Variants in AFF1 observed in about 807,000 individuals in gnomAD.
AFF1 encodes ALF transcription elongation factor 1.
AFF1 carries 48 observed loss-of-function variants against 121.7 expected under a neutral mutation model. The observed-to-expected ratio is 0.39, with a 90% CI of 0.31 to 0.50. The LOEUF is 0.50. Among genes scored for constraint, AFF1 ranks in the 20% least tolerant of loss-of-function variants. The pLI is 0.76. For synonymous variants in AFF1, 613 were observed against 563.0 expected, an observed-to-expected ratio of 1.09 and a Z score of -1.26; for missense variants, 1,523 against 1,511.7, an observed-to-expected ratio of 1.01 and a Z score of -0.12.
intron 1 of AFF1, among the ~76,000 whole-genome samples, chr4:86,940,195 C>G (rs192070080): frequency 4.6e-5 from 7 of 152,284 alleles, no homozygotes; most frequent in Non-Finnish European, 1.0e-4. Flanking sequence ...AGGTTTTACC[C>G]TACTCTCAAG....
chr4:87,024,294 C>G (rs761785988), intron 2 of AFF1, among the ~76,000 whole-genome samples: 1 of 152,170 alleles, frequency 6.6e-6, no homozygotes, highest in Non-Finnish European at 1.5e-5. Flanking sequence ...GGTGGGGTGT[C>G]TGTTTATCTC....
chr4:87,081,275 C>T (rs1723150244), intron 4 of AFF1, among the ~76,000 whole-genome samples: 1 of 150,480 alleles, frequency 6.6e-6, no homozygotes, highest in South Asian at 2.1e-4. Context: ...GACTCTCCTG[C>T]CTCAGCCTCC....
intron 2 of AFF1, chr4:87,007,086 C>T (rs917673885): frequency 1.9e-5 from 23 of 1,238,590 alleles, no homozygotes; most frequent in African/African-American, 3.1e-5. Flanking sequence ...CGCTGGCTTT[C>T]CCTTCTCAGA....
At position 87,028,614 on chromosome 4, in the gene AFF1, C is replaced by T. The variant is rs937811946; in HGVS notation, c.39-17552C>T. ...AATTCCTTGAGGTCTCAGACCAAAG[C>T]TCTTGGATTAAGGTACGTTTTTCTT... On this transcript the variant is annotated intron_variant, in intron 2 of 20. Coordinates refer to ENST00000395146, the MANE Select transcript of AFF1 (RefSeq NM_001166693.3). 2.0e-5 allele frequency among the ~76,000 whole-genome samples: 3 copies of T among 152,264 alleles called. No homozygotes were observed. In the East Asian group the frequency reaches 5.8e-4, roughly 29 times the overall value.
chr4:87,116,296 A>G (rs535836448), intron 12 of AFF1, among the ~76,000 whole-genome samples: 12 of 152,232 alleles, frequency 7.9e-5, no homozygotes, highest in Non-Finnish European at 1.6e-4. Flanking sequence ...TTACTTGAAC[A>G]TGCCACTGTT....
At chr4:87,013,301 A>T (rs996949812) in intron 2 of AFF1, among the ~76,000 whole-genome samples, 4 of 151,950 alleles carry the variant, frequency 2.6e-5, no homozygotes, top group Non-Finnish European at 1.5e-5. Flanking sequence ...CGGCCTCCCA[A>T]AGTGCTGGGA....
At chr4:87,101,828 T>C (rs1725463478) in intron 8 of AFF1, among the ~76,000 whole-genome samples, 1 of 152,250 alleles carries the variant, frequency 6.6e-6, no homozygotes, top group East Asian at 1.9e-4. Context: ...ACTTACTCTT[T>C]CTCAAAGTGA....
chr4:86,983,339 C>T (rs184278604), intron 2 of AFF1, among the ~76,000 whole-genome samples: 43 of 152,128 alleles, frequency 2.8e-4, no homozygotes, highest in Admixed American at 2.4e-3. Context: ...CCAGCCTGAC[C>T]AACATGGAGA....
At chr4:86,971,898 A>G (rs1267061137) in intron 2 of AFF1, among the ~76,000 whole-genome samples, 2 of 152,122 alleles carry the variant, frequency 1.3e-5, no homozygotes, top group Non-Finnish European at 2.9e-5. Flanking sequence ...GCACTTGGGG[A>G]GGCTAAGACT....
At chr4:87,002,178 A>G (rs548779341) in intron 2 of AFF1, among the ~76,000 whole-genome samples, 1 of 149,728 alleles carries the variant, frequency 6.7e-6, no homozygotes, top group South Asian at 2.1e-4. Flanking sequence ...CTGTAATCTC[A>G]AATTCCTGGG....
chr4:87,075,863 A>C (rs929996192), intron 4 of AFF1, among the ~76,000 whole-genome samples: 1 of 152,164 alleles, frequency 6.6e-6, no homozygotes, highest in Non-Finnish European at 1.5e-5. Flanking sequence ...ATAAAACTCT[A>C]ATTACTTTTT....
intron 2 of AFF1, among the ~76,000 whole-genome samples, chr4:87,010,021 A>G (rs1339382160): frequency 1.3e-5 from 2 of 152,220 alleles, no homozygotes; most frequent in East Asian, 3.8e-4. Flanking sequence ...TTTTTATGCA[A>G]ATGGATTAGG....
At chr4:86,999,592 A>G (rs1725521334) in intron 2 of AFF1, among the ~76,000 whole-genome samples, 1 of 152,194 alleles carries the variant, frequency 6.6e-6, no homozygotes, top group South Asian at 2.1e-4. Flanking sequence ...GGAGTTACAG[A>G]GAGAAGTTTA....
intron 4 of AFF1, among the ~76,000 whole-genome samples, chr4:87,071,862 G>C (rs977301555): frequency 1.4e-4 from 22 of 152,138 alleles, no homozygotes; most frequent in Non-Finnish European, 4.4e-5. Context: ...GTGAATGCAA[G>C]AATATTGGGG....
At position 87,140,333 on chromosome 4, in the gene AFF1, C is replaced by G. The variant is rs1322749092; in HGVS notation, c.*4632C>G. 5.0e-6 allele frequency: 1 copy of G among 199,304 alleles called. No homozygotes were observed. Among genetic ancestry groups the G allele is most frequent in the Non-Finnish European group, 1.0e-5 (1 of 96,186 alleles). The allele number at this position is 199,304 out of a possible 1,614,324, so 12.3% of individuals were successfully genotyped here. ...CCTCAGATATCAAGTATACACTGTT[C>G]ATGTTGGGGTTGTGTGTGTGTATGT... On this transcript the variant is annotated 3_prime_UTR_variant, in exon 21 of 21. Coordinates refer to ENST00000395146, the MANE Select transcript of AFF1 (RefSeq NM_001166693.3).
chr4:87,071,995 G>A (rs1046089516), intron 4 of AFF1, among the ~76,000 whole-genome samples: 6 of 151,982 alleles, frequency 3.9e-5, no homozygotes, highest in Non-Finnish European at 7.4e-5. Flanking sequence ...TGTGTGTGTC[G>A]GTGTGTGAAG....
intron 2 of AFF1, among the ~76,000 whole-genome samples, chr4:86,982,081 G>C (rs1723796452): frequency 6.6e-6 from 1 of 152,212 alleles, no homozygotes; most frequent in South Asian, 2.1e-4. Flanking sequence ...AGAAGAAATA[G>C]CTGACTGTGG....
chr4:87,094,414 A>T (rs947862877), intron 7 of AFF1, among the ~76,000 whole-genome samples: 7 of 152,318 alleles, frequency 4.6e-5, no homozygotes, highest in African/African-American at 1.7e-4. Context: ...TGCCTTAAAC[A>T]TGTTGGTATC....
At chr4:86,944,203 G>T (rs140691194) in intron 1 of AFF1, among the ~76,000 whole-genome samples, 1,684 of 150,228 alleles carry the variant, frequency 0.011, 32 homozygotes, top group African/African-American at 0.039. Context: ...CACATGGTTT[G>T]GCCAGCCAAA....
Sources: allele counts gnomAD v4.1 joint callset (sites outside exome capture counted in the v4.1 genomes callset), GRCh38; gene constraint gnomAD v4.1.1; transcripts MANE v1.5; gene names NCBI Gene and HGNC (gene_info 2026-07-23, HGNC 2026-07-21).